The following XRCC4 variants were observed in gnomAD, a reference collection of about 807,000 sequenced individuals.
XRCC4 encodes DNA repair protein XRCC4.
In XRCC4, 28 loss-of-function variants were observed where a neutral mutation model predicts 39.1. The ratio of observed to expected loss-of-function variants is 0.72; its 90% CI spans 0.53 to 0.98. The LOEUF is 0.98. Among genes scored for constraint, XRCC4 ranks in the 50% least tolerant of loss-of-function variants. The probability of loss-of-function intolerance (pLI) is 0.00; values close to 1 mark genes in which losing one functional copy is unlikely to be tolerated. For missense variants in XRCC4, 350 were observed against 376.4 expected, an observed-to-expected ratio of 0.93 and a Z score of 0.58; for synonymous variants, 123 against 126.4, an observed-to-expected ratio of 0.97 and a Z score of 0.18.
intron 1 of XRCC4, 29 bp from the exon 2 acceptor site, chr5:83,104,881 A>G (rs1400385575): frequency 6.3e-7 from 1 of 1,597,930 alleles, no homozygotes; most frequent in Non-Finnish European, 8.6e-7. Flanking sequence ...GTTTCTTTTA[A>G]AAATATTAAT....
intron 3 of XRCC4, among the ~76,000 whole-genome samples, chr5:83,134,487 C>T (rs1349627316): frequency 6.6e-6 from 1 of 152,170 alleles, no homozygotes; most frequent in East Asian, 1.9e-4. Flanking sequence ...AAGGTTTGTA[C>T]ACGCATCAAT....
intron 7 of XRCC4, among the ~76,000 whole-genome samples, chr5:83,336,869 G>A (rs1431716818): frequency 6.6e-6 from 1 of 152,056 alleles, no homozygotes; most frequent in Non-Finnish European, 1.5e-5. Context: ...GTGTAAATTT[G>A]TAAACATTTA....
chr5:83,198,329 C>A (rs1751036951), intron 4 of XRCC4, among the ~76,000 whole-genome samples: 1 of 151,868 alleles, frequency 6.6e-6, no homozygotes, highest in Non-Finnish European at 1.5e-5. Context: ...ATGGGAATTC[C>A]CATAGAAGCG....
intron 6 of XRCC4, among the ~76,000 whole-genome samples, chr5:83,224,821 C>T (rs566371276): frequency 7.9e-5 from 12 of 152,164 alleles, no homozygotes; most frequent in African/African-American, 2.9e-4. Flanking sequence ...CCATGTGGCA[C>T]TTTAAAAAAA....
At chr5:83,158,704 AT>A (rs1473028746) in intron 3 of XRCC4, among the ~76,000 whole-genome samples, 1 of 152,110 alleles carries the variant, frequency 6.6e-6, no homozygotes, top group African/African-American at 2.4e-5. Context: ...ATTGCAAACA[AT>A]TTTAATTGTG....
intron 7 of XRCC4, among the ~76,000 whole-genome samples, chr5:83,270,835 G>C (rs905060942): frequency 1.7e-4 from 25 of 150,914 alleles, no homozygotes; most frequent in African/African-American, 6.1e-4. Context: ...ACCCAGGCTG[G>C]AATGCAGTGG....
chr5:83,210,278 T>A (rs1426714551), intron 6 of XRCC4, among the ~76,000 whole-genome samples: 2 of 152,132 alleles, frequency 1.3e-5, no homozygotes, highest in Admixed American at 6.5e-5. Flanking sequence ...ATAGACACAT[T>A]TATTTATAAG....
chr5:83,303,229 A>AAT (rs1375005261), intron 7 of XRCC4, among the ~76,000 whole-genome samples: 4 of 151,854 alleles, frequency 2.6e-5, no homozygotes, highest in African/African-American at 7.3e-5. Context: ...AAAAAAAAAA[A>AAT]AAAAGATGTC....
At chr5:83,149,836 C>A (rs1436831660) in intron 3 of XRCC4, among the ~76,000 whole-genome samples, 1 of 151,982 alleles carries the variant, frequency 6.6e-6, no homozygotes, top group African/African-American at 2.4e-5. Context: ...GCTGCAAAAC[C>A]AAAGTGGACC....
At chr5:83,292,949 A>G (rs1561458493) in intron 7 of XRCC4, among the ~76,000 whole-genome samples, 1 of 152,132 alleles carries the variant, frequency 6.6e-6, no homozygotes, top group East Asian at 1.9e-4. Flanking sequence ...AAATCTCTGT[A>G]TATGGTAATC....
intron 7 of XRCC4, among the ~76,000 whole-genome samples, chr5:83,348,029 G>T (rs182239345): frequency 7.0e-4 from 106 of 152,300 alleles, no homozygotes; most frequent in African/African-American, 2.4e-3. Context: ...CACATCCAGG[G>T]CACAGTGATG....
At chr5:83,302,143 G>C (rs1010203443) in intron 7 of XRCC4, among the ~76,000 whole-genome samples, 2 of 152,070 alleles carry the variant, frequency 1.3e-5, no homozygotes, top group Non-Finnish European at 2.9e-5. Flanking sequence ...AGCTTGCTGG[G>C]TTCCGTGCGG....
intron 6 of XRCC4, among the ~76,000 whole-genome samples, chr5:83,242,844 A>G (rs1243707225): frequency 6.6e-6 from 1 of 152,166 alleles, no homozygotes; most frequent in Non-Finnish European, 1.5e-5. Flanking sequence ...TAGTTTACTC[A>G]CAACAAAAAT....
intron 7 of XRCC4, among the ~76,000 whole-genome samples, chr5:83,273,232 A>C (rs889687026): frequency 1.3e-5 from 2 of 152,334 alleles, no homozygotes; most frequent in East Asian, 3.9e-4. Context: ...TCTTTTGAGA[A>C]GTGTCTGTTC....
At chr5:83,118,130 A>G (rs572982580) in intron 3 of XRCC4, among the ~76,000 whole-genome samples, 193 of 152,236 alleles carry the variant, frequency 1.3e-3, no homozygotes, top group African/African-American at 4.5e-3. Context: ...AGTCTCTAGT[A>G]GAATTAATGC....
the XRCC4 span, among the ~76,000 whole-genome samples, chr5:83,364,610 A>G: frequency 6.6e-6 from 1 of 152,184 alleles, no homozygotes; most frequent in Non-Finnish European, 1.5e-5. Flanking sequence ...AATGACTACC[A>G]ATGTCCCTGA....
chr5:83,304,665 T>C (rs1035952058), intron 7 of XRCC4, among the ~76,000 whole-genome samples: 5 of 152,170 alleles, frequency 3.3e-5, no homozygotes, highest in African/African-American at 1.2e-4. Flanking sequence ...TTAGAGAAAC[T>C]CTTGGTCAAA....
chr5:83,171,227 C>T (rs890379534), intron 3 of XRCC4, among the ~76,000 whole-genome samples: 6 of 152,090 alleles, frequency 3.9e-5, no homozygotes, highest in African/African-American at 1.4e-4. Context: ...TTTAAGTTTA[C>T]AATCTTTTCT....
chr5:83,118,075 C>CAT (rs1746825378), intron 3 of XRCC4, among the ~76,000 whole-genome samples: 1 of 128,790 alleles, frequency 7.8e-6, no homozygotes, highest in Non-Finnish European at 1.6e-5. Context: ...CACACACACA[C>CAT]ACATATGTAT....
Sources: gnomAD v4.1 joint callset for allele counts (sites outside exome capture counted in the v4.1 genomes callset) on GRCh38, gnomAD v4.1.1 for gene constraint, MANE v1.5 for transcripts, NCBI Gene and HGNC (gene_info 2026-07-23, HGNC 2026-07-21) for gene names.